The following DICER1 variants were observed in gnomAD, a reference collection of about 807,000 sequenced individuals.
The protein encoded by DICER1 is dicer 1, ribonuclease III.
A neutral mutation model predicts 194.1 loss-of-function variants in DICER1; 43 were observed. The observed-to-expected ratio is 0.22, with a 90% confidence interval of 0.17 to 0.29. The LOEUF is 0.29. Among genes scored for constraint, DICER1 ranks in the 10% least tolerant of loss-of-function variants. The pLI is 1.00. For synonymous variants in DICER1, 832 were observed against 820.5 expected (o/e 1.01, Z -0.24); for missense variants, 1,608 against 2,317.0 (o/e 0.69, Z 6.28).
At chr14:95,130,668 C>A (rs1439025213) in intron 4 of DICER1, among the ~76,000 whole-genome samples, 1 of 152,200 alleles carries the variant, frequency 6.6e-6, no homozygotes, top group African/African-American at 2.4e-5. Flanking sequence ...CACTAGTAGG[C>A]TGGGCTGTTT....
chr14:95,155,541 CA>C (rs1353448200), intron 1 of DICER1, among the ~76,000 whole-genome samples: 1 of 152,144 alleles, frequency 6.6e-6, no homozygotes, highest in East Asian at 1.9e-4. Context: ...TCAATAATAG[CA>C]AAACAACCTA....
chr14:95,146,048 T>G (rs1566829139), intron 1 of DICER1, among the ~76,000 whole-genome samples: 1 of 152,260 alleles, frequency 6.6e-6, no homozygotes. Context: ...TTCAGCCATT[T>G]AAAATGGTAA....
In DICER1 at chr14:95,106,172, A is replaced by T. The variant is rs1891407343; in HGVS notation, c.2856T>A (p.Thr952=). 1.2e-6 allele frequency: 2 copies of T among 1,614,098 alleles called. No homozygotes were observed. The highest frequency in any genetic ancestry group is 1.7e-6 in the Non-Finnish European group (2 of 1,179,914). The change falls in exon 18 of 27, where the codon ACT becomes ACA. Residue 952 remains threonine (T), a synonymous_variant. Coordinates refer to ENST00000343455, the MANE Select transcript of DICER1 (RefSeq NM_177438.3). ...GAAATTTACTGAGTGGGGTAAGATC[A>T]GTGTACACATCAGCTACATAAAATC... ...PHRFYVADVY[T]DLTPLSKFPS... is the part of the protein sequence containing the mutation.
intron 1 of DICER1, among the ~76,000 whole-genome samples, chr14:95,133,813 A>G (rs1263300257): frequency 1.3e-5 from 2 of 152,222 alleles, no homozygotes; most frequent in East Asian, 3.8e-4. Flanking sequence ...CTACTGGTAA[A>G]AAATAAGCTA....
chr14:95,108,170 A>G, intron 15 of DICER1, 77 bp from the exon 16 acceptor site: 5 of 1,346,394 alleles, frequency 3.7e-6, no homozygotes, highest in Non-Finnish European at 4.2e-6. Flanking sequence ...TCAGAACAGA[A>G]ATGATGCTTT....
chr14:95,117,379 T>G (rs1892567664), intron 9 of DICER1, among the ~76,000 whole-genome samples: 1 of 152,098 alleles, frequency 6.6e-6, no homozygotes, highest in Non-Finnish European at 1.5e-5. Context: ...TCACAGAAAA[T>G]AAGTTGGTTG....
rs1348853676 is a variant in DICER1 at position 95,124,075 on chromosome 14, C to T, written c.1376+121G>A. On this transcript the variant is annotated intron_variant, in intron 8 of 26. Transcript: ENST00000343455. This position sits in a 1 kb window ranked among gnomAD's most constrained non-coding sequence, Gnocchi z 4.5. ...CAGCATGACGTATCAGCAATGATGG[C>T]GCCAAGTCAAGGACACTTACATAAC... The T allele has an allele frequency of 8.2e-6, 6 of 727,346 alleles. No individual in the cohort carries two copies. The highest frequency in any genetic ancestry group is 1.2e-5 in the Non-Finnish European group (5 of 421,124). 45.1% of individuals were successfully genotyped at this position (727,346 alleles called of 1,614,324 possible). A position where few individuals can be genotyped will look rare whatever the true frequency, so the allele number is the denominator to read the frequency against.
intron 17 of DICER1, among the ~76,000 whole-genome samples, chr14:95,106,547 GTAAA>G (rs1462990534): frequency 2.0e-5 from 3 of 151,900 alleles, no homozygotes; most frequent in Non-Finnish European, 4.4e-5. Context: ...TATCCAAAGA[GTAAA>G]TACTTTGTAT....
chr14:95,125,772 G>A (rs1374886580), intron 7 of DICER1, among the ~76,000 whole-genome samples: 1 of 96,444 alleles, frequency 1.0e-5, no homozygotes, highest in Non-Finnish European at 2.2e-5. Context: ...GGGAGGGGAG[G>A]GGGAGGGAGG....
intron 11 of DICER1, among the ~76,000 whole-genome samples, 197 bp from the exon 12 acceptor site, chr14:95,113,421 A>G (rs762170172): frequency 2.0e-5 from 3 of 152,272 alleles, no homozygotes; most frequent in Non-Finnish European, 4.4e-5. Context: ...AAGATGTTCT[A>G]TATCTTCGAT....
intron 21 of DICER1, among the ~76,000 whole-genome samples, chr14:95,101,709 C>T (rs1416895453): frequency 1.3e-5 from 2 of 152,206 alleles, no homozygotes; most frequent in Non-Finnish European, 2.9e-5. Context: ...GCCTTGGACA[C>T]ACTCCTGACT....
chr14:95,136,086 T>TACACACACAC (rs144415862), intron 1 of DICER1, among the ~76,000 whole-genome samples: 2,492 of 146,570 alleles, frequency 0.017, 38 homozygotes, highest in Middle Eastern at 0.055. Flanking sequence ...TACATGTAGA[T>TACACACACAC]ACACACACAC....
In DICER1 at chr14:95,116,539, G is replaced by A. The variant is rs1595411068; in HGVS notation, c.1666C>T (p.Pro556Ser). 6.2e-7 allele frequency: 1 copy of A among 1,613,826 alleles called. No individual in the cohort carries two copies. The highest frequency in any genetic ancestry group is 8.5e-7 in the Non-Finnish European group (1 of 1,179,906). The change falls in exon 10 of 27, where the codon CCC (proline) becomes TCC (serine). Residue 556 changes from proline to serine, a missense_variant. Around this residue, in one of 10 missense-constraint regions of DICER1, gnomAD observed 657 missense variants for 910.1 expected, o/e 0.72. Coordinates refer to ENST00000343455, the MANE Select transcript of DICER1 (RefSeq NM_177438.3). ...YVQSKGRARA[P>S]ISNYIMLADT... ...GCTAACATTATATAATTAGAGATGG[G>A]TGCCCTTGCTCTTCCTTTAGATTGA...
intron 1 of DICER1, among the ~76,000 whole-genome samples, chr14:95,139,838 A>G (rs1894715148): frequency 6.6e-6 from 1 of 152,232 alleles, no homozygotes; most frequent in African/African-American, 2.4e-5. Context: ...TATATTTTCC[A>G]TAAGGTTACA....
intron 1 of DICER1, among the ~76,000 whole-genome samples, chr14:95,146,299 C>T (rs1895130411): frequency 6.6e-6 from 1 of 152,224 alleles, no homozygotes; most frequent in African/African-American, 2.4e-5. Context: ...GATTGATCCT[C>T]ACCCTTCACC....
intron 1 of DICER1, among the ~76,000 whole-genome samples, chr14:95,154,040 AT>A (rs1470610512): frequency 3.3e-5 from 5 of 152,218 alleles, no homozygotes; most frequent in Admixed American, 6.5e-5. Flanking sequence ...GGTAAACAAA[AT>A]AAGTCACTTG....
At chr14:95,112,289 T>G in intron 12 of DICER1, 42 bp from the exon 13 acceptor site, 1 of 1,503,670 alleles carries the variant, frequency 6.7e-7, no homozygotes. Context: ...TGCACATCGC[T>G]GTATTACCTC....
intron 1 of DICER1, among the ~76,000 whole-genome samples, chr14:95,139,894 C>T (rs1894719546): frequency 6.6e-6 from 1 of 152,154 alleles, no homozygotes; most frequent in African/African-American, 2.4e-5. Flanking sequence ...TAACTGGCCC[C>T]AGTAATGCAC....
intron 1 of DICER1, among the ~76,000 whole-genome samples, chr14:95,139,158 G>A (rs1387654096): frequency 6.6e-6 from 1 of 152,130 alleles, no homozygotes; most frequent in Non-Finnish European, 1.5e-5. Context: ...TCAATCCTAT[G>A]TGCTCAATCC....
Sources: allele counts gnomAD v4.1 joint callset (sites outside exome capture counted in the v4.1 genomes callset), GRCh38; gene constraint gnomAD v4.1.1; regional missense constraint gnomAD v4.1.1; non-coding constraint Gnocchi (gnomAD v3.1); transcripts MANE v1.5; gene names NCBI Gene and HGNC (gene_info 2026-07-23, HGNC 2026-07-21).